PRKN: variants seen among roughly 807,000 people sequenced by gnomAD.
PRKN encodes the protein E3 ubiquitin-protein ligase parkin.
A neutral mutation model predicts 59.5 loss-of-function variants in PRKN; 56 were observed. The ratio of observed to expected loss-of-function variants is 0.94; its 90% CI spans 0.76 to 1.18. The LOEUF (loss-of-function observed/expected upper bound fraction) is 1.18, where lower values mean the gene tolerates loss of function less well. PRKN is among the 50% of genes most tolerant of loss of function. The pLI, the probability that PRKN is intolerant of heterozygous loss-of-function variation, is 0.00. For missense variants in PRKN, 657 were observed against 596.4 expected, an observed-to-expected ratio of 1.10 and a Z score of -1.06; for synonymous variants, 250 against 222.1, an observed-to-expected ratio of 1.13 and a Z score of -1.12.
At chr6:161,903,086 AGGC>A (rs1777997261) in intron 6 of PRKN, among the ~76,000 whole-genome samples, 1 of 152,178 alleles carries the variant, frequency 6.6e-6, no homozygotes, top group South Asian at 2.1e-4. Context: ...TTGTCTTTAA[AGGC>A]AGATGTCCGA....
chr6:162,667,149 A>C (rs187232134), intron 1 of PRKN, among the ~76,000 whole-genome samples: 1 of 152,114 alleles, frequency 6.6e-6, no homozygotes, highest in East Asian at 1.9e-4. Flanking sequence ...GGCTAATCCT[A>C]AACAGTGGAT....
At chr6:161,967,448 A>C (rs1780625205) in intron 6 of PRKN, among the ~76,000 whole-genome samples, 1 of 152,210 alleles carries the variant, frequency 6.6e-6, no homozygotes, top group Non-Finnish European at 1.5e-5. Flanking sequence ...ACCTACTTAA[A>C]ATCCTGGATT....
At chr6:161,685,193 A>C (rs1326119061) in intron 7 of PRKN, among the ~76,000 whole-genome samples, 2 of 152,114 alleles carry the variant, frequency 1.3e-5, no homozygotes, top group Non-Finnish European at 2.9e-5. Flanking sequence ...AGTTTTTTCT[A>C]CTTCATCTGT....
chr6:161,716,060 C>A (rs1367446531), intron 7 of PRKN: 2 of 1,295,952 alleles, frequency 1.5e-6, no homozygotes, highest in African/African-American at 4.0e-5. Flanking sequence ...CCATGCTGTG[C>A]TGGGCCCATC....
At position 161,487,173 on chromosome 6, in the gene PRKN, T is replaced by C. The variant is rs139997256; in HGVS notation, c.1083+61681A>G. On this transcript the variant is annotated intron_variant, in intron 9 of 11. Coordinates refer to ENST00000366898, the MANE Select transcript of PRKN (RefSeq NM_004562.3). This position sits in a 1 kb window ranked among gnomAD's most constrained non-coding sequence, Gnocchi z 5.3. Reference sequence around the variant, plus strand: ...TGTGCCCAGGACTGTATATGGATCATGTTTAATCCAAAAGCAATTCTGAGT... The same window carrying C: ...TGTGCCCAGGACTGTATATGGATCACGTTTAATCCAAAAGCAATTCTGAGT... Among the ~76,000 whole-genome samples, 38 of 152,350 alleles carry C rather than the reference T, an allele frequency of 2.5e-4. No individual in the cohort carries two copies. The highest frequency in any genetic ancestry group is 8.4e-4 in the African/African-American group (35 of 41,588).
At chr6:161,392,316 G>A (rs1194373447) in intron 9 of PRKN, among the ~76,000 whole-genome samples, 1 of 151,780 alleles carries the variant, frequency 6.6e-6, no homozygotes, top group Non-Finnish European at 1.5e-5. Context: ...CCCTGGAGGC[G>A]GAGGTTGCAG....
intron 1 of PRKN, among the ~76,000 whole-genome samples, chr6:162,528,450 AAT>A (rs1778381359): frequency 6.6e-6 from 1 of 152,176 alleles, no homozygotes; most frequent in African/African-American, 2.4e-5. Flanking sequence ...ATTTACAGAA[AAT>A]AGTCATTAAA....
intron 4 of PRKN, among the ~76,000 whole-genome samples, chr6:162,108,599 T>C (rs928354816): frequency 6.6e-6 from 1 of 152,146 alleles, no homozygotes; most frequent in African/African-American, 2.4e-5. Flanking sequence ...CTACCATATA[T>C]GTAATATTAA....
chr6:161,797,143 G>A (rs1440073424), intron 6 of PRKN, among the ~76,000 whole-genome samples: 2 of 152,232 alleles, frequency 1.3e-5, no homozygotes, highest in African/African-American at 4.8e-5. Context: ...ATCTTTTGCT[G>A]TTGACTCACC....
chr6:161,926,474 C>T (rs922945083), intron 6 of PRKN, among the ~76,000 whole-genome samples: 7 of 152,152 alleles, frequency 4.6e-5, no homozygotes, highest in Non-Finnish European at 8.8e-5. Flanking sequence ...AGCCCTGGAG[C>T]ACTTTGTAAA....
Position 162,335,194 on chromosome 6 carries a change from CTTTTTT to C in PRKN, c.172-72435_172-72430del, listed in dbSNP as rs200467030. ...ACGTTTGGCTACTTTTTTTCTTTTT[CTTTTTT>C]TTTTTTAATTGTTGTATTTTTAGTA... On this transcript the variant is annotated intron_variant, in intron 2 of 11. Coordinates refer to ENST00000366898, the MANE Select transcript of PRKN (RefSeq NM_004562.3). Among the ~76,000 whole-genome samples the C allele has an allele frequency of 1.4e-3, 201 of 144,016 alleles. 2 individuals carry two copies. The highest frequency in any genetic ancestry group is 4.8e-3 in the African/African-American group (190 of 39,472). 94.5% of individuals were successfully genotyped at this position (144,016 alleles called of 152,430 possible).
chr6:162,390,375 GTATATATA>G (rs369827763), intron 2 of PRKN, among the ~76,000 whole-genome samples: 2 of 98,840 alleles, frequency 2.0e-5, no homozygotes, highest in Admixed American at 2.1e-4. Flanking sequence ...TACTGCTAAG[GTATATATA>G]TATATATATA....
chr6:161,522,064 G>A (rs1337801882), intron 9 of PRKN, among the ~76,000 whole-genome samples: 1 of 152,052 alleles, frequency 6.6e-6, no homozygotes, highest in Non-Finnish European at 1.5e-5. Context: ...ATATTGATGC[G>A]GTGTGTGTGT....
At chr6:162,011,282 A>G (rs868610344) in intron 5 of PRKN, among the ~76,000 whole-genome samples, 296 of 6,078 alleles carry the variant, frequency 0.049, 25 homozygotes, top group African/African-American at 0.063. Flanking sequence ...ATATATTTAT[A>G]AAATATGTAA....
At position 161,424,073 on chromosome 6, in the gene PRKN, A is replaced by G. The variant is rs1788222970; in HGVS notation, c.1084-37196T>C. On this transcript the variant is annotated intron_variant, in intron 9 of 11. Coordinates refer to ENST00000366898, the MANE Select transcript of PRKN (RefSeq NM_004562.3). ...GATTTGAGGCCAGCCATGGTGGCTCATGTCTGTAATCCCAGCACTTTCGGA... is the reference window on the plus strand; with the variant it reads ...GATTTGAGGCCAGCCATGGTGGCTCGTGTCTGTAATCCCAGCACTTTCGGA... 2.0e-5 allele frequency among the ~76,000 whole-genome samples: 3 copies of G among 152,298 alleles called. No individual in the cohort carries two copies. The South Asian group carries it at 6.2e-4, about 32-fold the overall frequency.
rs919215470 is a variant in PRKN at position 161,429,583 on chromosome 6, C to T, written c.1084-42706G>A. On this transcript the variant is annotated intron_variant, in intron 9 of 11. Transcript: ENST00000366898. The surrounding 1 kb of genome is among the most constrained non-coding windows in gnomAD (Gnocchi z 4.2). Reference sequence around the variant, plus strand: ...ACATTCTGAGATGGAACTAGAAGAACCTGGATGTGAAGCGGGAGGGCCAGG... The same window carrying T: ...ACATTCTGAGATGGAACTAGAAGAATCTGGATGTGAAGCGGGAGGGCCAGG... Among the ~76,000 whole-genome samples the T allele has an allele frequency of 3.9e-5, 6 of 152,052 alleles. No homozygotes were observed. Among genetic ancestry groups the T allele is most frequent in the Non-Finnish European group, 4.4e-5 (3 of 68,026 alleles).
intron 6 of PRKN, among the ~76,000 whole-genome samples, chr6:161,882,306 A>G (rs1266187921): frequency 6.6e-6 from 1 of 152,204 alleles, no homozygotes; most frequent in Admixed American, 6.5e-5. Context: ...ATGTCAAAGC[A>G]GTAAACACTT....
chr6:162,204,661 T>G (rs769915349), intron 3 of PRKN, among the ~76,000 whole-genome samples: 3 of 152,050 alleles, frequency 2.0e-5, no homozygotes, highest in Non-Finnish European at 4.4e-5. Context: ...AGGTTAAGTC[T>G]ACTTATGTAA....
At chr6:161,633,615 G>C (rs1000668943) in intron 7 of PRKN, among the ~76,000 whole-genome samples, 1 of 152,242 alleles carries the variant, frequency 6.6e-6, no homozygotes, top group Non-Finnish European at 1.5e-5. Context: ...AGCTGGCACA[G>C]TTAAAAGAAA....
Sources: gnomAD v4.1 joint callset for allele counts (sites outside exome capture counted in the v4.1 genomes callset) on GRCh38, gnomAD v4.1.1 for gene constraint, Gnocchi (gnomAD v3.1) non-coding constraint, MANE v1.5 for transcripts, NCBI Gene and HGNC (gene_info 2026-07-23, HGNC 2026-07-21) for gene names.